Variants in EPHA8 observed in about 807,000 individuals in gnomAD.
EPHA8 encodes EPH receptor A8, also known as ephrin type-A receptor 8.
Under a neutral mutation model 103.6 loss-of-function variants are expected in EPHA8, and 58 were observed. The ratio of observed to expected loss-of-function variants is 0.56; its 90% CI spans 0.45 to 0.70. The LOEUF is 0.70. Among genes scored for constraint, EPHA8 ranks in the 30% least tolerant of loss-of-function variants. The pLI is 0.00. For synonymous variants in EPHA8, 559 were observed against 572.5 expected (o/e 0.98, Z 0.34); for missense variants, 1,304 against 1,395.2 (o/e 0.93, Z 1.04).
At chr1:22,592,595 G>A (rs74060301) in intron 5 of EPHA8, among the ~76,000 whole-genome samples, 4,344 of 152,280 alleles carry the variant, frequency 0.029, 203 homozygotes, top group African/African-American at 0.096. Flanking sequence ...GGGAGCTCCC[G>A]GTTGTGCTGG....
chr1:22,581,975 C>G (rs1641059338), intron 3 of EPHA8, among the ~76,000 whole-genome samples: 1 of 152,210 alleles, frequency 6.6e-6, no homozygotes, highest in Non-Finnish European at 1.5e-5. Flanking sequence ...GGAGCCAGGT[C>G]CAAGAGCCCT....
intron 3 of EPHA8, among the ~76,000 whole-genome samples, chr1:22,582,611 C>G (rs1386300954): frequency 6.6e-6 from 1 of 152,194 alleles, no homozygotes; most frequent in African/African-American, 2.4e-5. Flanking sequence ...AGTGAAGTGA[C>G]TAGCCCAAGG....
intron 3 of EPHA8, among the ~76,000 whole-genome samples, chr1:22,584,563 G>A (rs1641135606): frequency 6.6e-6 from 1 of 152,328 alleles, no homozygotes; most frequent in Non-Finnish European, 1.5e-5. Context: ...AACATCCAGA[G>A]AAGAAATGCT....
chr1:22,569,356 G>A lies in EPHA8; in HGVS notation c.159+3G>A. 2 of 1,591,550 alleles carry A rather than the reference G, an allele frequency of 1.3e-6. No individual in the cohort carries two copies. Among genetic ancestry groups the A allele is most frequent in the African/African-American group, 1.3e-5 (1 of 74,520 alleles). On this transcript the variant is annotated splice_donor_region_variant and intron_variant, in intron 2 of 16. Transcript: ENST00000166244. This position sits in a 1 kb window ranked among gnomAD's most constrained non-coding sequence, Gnocchi z 4.5. ...GGCTCACGTATCCGGCTCATGGGGT[G>A]AGTGATGGGCACTGGGGACAACGTC...
In EPHA8 at chr1:22,598,013, G is replaced by A; in HGVS notation, c.2117-138G>A. The A allele has an allele frequency of 2.8e-6, 4 of 1,412,716 alleles. No homozygotes were observed. Among genetic ancestry groups the A allele is most frequent in the South Asian group, 2.4e-5 (2 of 84,080 alleles). 87.5% of individuals were successfully genotyped at this position (1,412,716 alleles called of 1,614,324 possible). On this transcript the variant is annotated intron_variant, in intron 11 of 16. Transcript: ENST00000166244. This position sits in a 1 kb window ranked among gnomAD's most constrained non-coding sequence, Gnocchi z 5.1. ...ATGACTCGGGGTGCCCAGAGCCTGG[G>A]ACCCCAGTGGAAACCCAAGGCACCC...
chr1:22,589,708 T>A lies in EPHA8; in HGVS notation c.1315+502T>A. ...CACTGGCTTGGACCACAGTAGTTTA[T>A]CTATCAGTTTCTGGCCAGTTGGTGG... On this transcript the variant is annotated intron_variant, in intron 5 of 16. Coordinates refer to ENST00000166244, the MANE Select transcript of EPHA8 (RefSeq NM_020526.5). This position sits in a 1 kb window ranked among gnomAD's most constrained non-coding sequence, Gnocchi z 4.3. 9.6e-7 allele frequency: 1 copy of A among 1,044,404 alleles called. No individual in the cohort carries two copies. Among genetic ancestry groups the A allele is most frequent in the Non-Finnish European group, 1.2e-6 (1 of 869,190 alleles). 64.7% of individuals were successfully genotyped at this position (1,044,404 alleles called of 1,614,324 possible). A position where few individuals can be genotyped will look rare whatever the true frequency, so the allele number is the denominator to read the frequency against.
chr1:22,585,050 T>TGTGTGTGCGC (rs71020436), intron 3 of EPHA8, among the ~76,000 whole-genome samples: 12 of 93,492 alleles, frequency 1.3e-4, no homozygotes, highest in African/African-American at 7.2e-4. Context: ...TGTGTGTGTG[T>TGTGTGTGCGC]GCGCACGCGT....
chr1:22,587,431 A>G (rs1414334536), intron 4 of EPHA8, among the ~76,000 whole-genome samples: 1 of 152,182 alleles, frequency 6.6e-6, no homozygotes, highest in African/African-American at 2.4e-5. Flanking sequence ...GCAAGGGTGC[A>G]TGTGCCTGGA....
intron 3 of EPHA8, among the ~76,000 whole-genome samples, chr1:22,581,303 A>G (rs1641039875): frequency 6.6e-6 from 1 of 152,256 alleles, no homozygotes. Flanking sequence ...AGCATAAGTC[A>G]TAACAATCTG....
chr1:22,565,404 G>A (rs1640329253), intron 1 of EPHA8, among the ~76,000 whole-genome samples: 1 of 152,284 alleles, frequency 6.6e-6, no homozygotes, highest in South Asian at 2.1e-4. Flanking sequence ...GGGGTTGGGG[G>A]GTGCTGGGGA....
chr1:22,581,623 C>T (rs1014067356), intron 3 of EPHA8, among the ~76,000 whole-genome samples: 11 of 152,134 alleles, frequency 7.2e-5, no homozygotes, highest in African/African-American at 1.7e-4. Context: ...CAGGACCTCA[C>T]GGGGGCTGGG....
intron 3 of EPHA8, among the ~76,000 whole-genome samples, chr1:22,578,941 ATGTATGCATGTGTGTC>A (rs1557561972): frequency 5.0e-5 from 7 of 138,878 alleles, no homozygotes; most frequent in Non-Finnish European, 9.4e-5. Flanking sequence ...GCATGTGTGT[ATGTATGCATGTGTGTC>A]CATGTGTATG....
At chr1:22,568,254 A>G (rs1396347222) in intron 1 of EPHA8, among the ~76,000 whole-genome samples, 1 of 152,194 alleles carries the variant, frequency 6.6e-6, no homozygotes, top group African/African-American at 2.4e-5. Context: ...GCCTTGAGAC[A>G]TGGGCCCAGG....
Position 22,576,688 on chromosome 1 carries a change from C to A in EPHA8, c.631C>A (p.Leu211Met), listed in dbSNP as rs56193119. The A allele has an allele frequency of 6.2e-7, 1 of 1,613,960 alleles. No individual in the cohort carries two copies. The highest frequency in any genetic ancestry group is 2.2e-5 in the East Asian group (1 of 44,888). ...GAAGTGCCCTGCCATGGTGCGCAAT[C>A]TGGCTGCCTTCTCGGAGGCAGTGAC... ...YKKCPAMVRN[L>M]AAFSEAVTGA... Residue 211 changes from leucine to methionine, a missense_variant, in exon 3 of 17, where the codon CTG becomes ATG. Physicochemically the swap from Leu to Met is conservative, Grantham distance 15. Transcript: ENST00000166244. The surrounding 1 kb of genome is among the most constrained non-coding windows in gnomAD (Gnocchi z 4.8).
intron 4 of EPHA8, among the ~76,000 whole-genome samples, chr1:22,588,341 CAG>C (rs1387421928): frequency 6.6e-6 from 1 of 152,104 alleles, no homozygotes; most frequent in African/African-American, 2.4e-5. Context: ...GCTGCCCAGA[CAG>C]AGGCTCCCAT....
In EPHA8 at chr1:22,565,786, A is replaced by T. The variant is rs112333971; in HGVS notation, c.94+2057A>T. 1.4e-3 allele frequency among the ~76,000 whole-genome samples: 212 copies of T among 152,262 alleles called. 1 individual carries two copies. Among genetic ancestry groups the T allele is most frequent in the African/African-American group, 4.1e-3 (172 of 41,562 alleles). ...GTCTAGAGAGAGAGGCAGGTGGGGA[A>T]GTCTGTGTCCATGGTGAAGGGAGGC... On this transcript the variant is annotated intron_variant, in intron 1 of 16. Transcript: ENST00000166244.
intron 2 of EPHA8, among the ~76,000 whole-genome samples, chr1:22,574,100 TC>T (rs1294652531): frequency 1.3e-5 from 2 of 152,226 alleles, no homozygotes; most frequent in Non-Finnish European, 2.9e-5. Context: ...TGCCTCAGCC[TC>T]CTGAGTAGCT....
chr1:22,574,415 T>C (rs1640627433), intron 2 of EPHA8, among the ~76,000 whole-genome samples: 1 of 152,240 alleles, frequency 6.6e-6, no homozygotes, highest in African/African-American at 2.4e-5. Context: ...CCACCACCAC[T>C]GCCAGAACTC....
chr1:22,577,264 A>T (rs1640735266), intron 3 of EPHA8, among the ~76,000 whole-genome samples: 2 of 152,084 alleles, frequency 1.3e-5, no homozygotes, highest in African/African-American at 4.8e-5. Flanking sequence ...GCGAGTATTA[A>T]CTCATTGAAT....
Sources: gnomAD v4.1 joint callset for allele counts (sites outside exome capture counted in the v4.1 genomes callset) on GRCh38, gnomAD v4.1.1 for gene constraint, Gnocchi (gnomAD v3.1) non-coding constraint, MANE v1.5 for transcripts, NCBI Gene and HGNC (gene_info 2026-07-23, HGNC 2026-07-21) for gene names.